Variants in ULK4 observed in about 807,000 individuals in gnomAD.
ULK4 encodes the protein inactive serine/threonine-protein kinase ULK4.
A neutral mutation model predicts 160.6 loss-of-function variants in ULK4; 133 were observed. The observed-to-expected ratio is 0.83, with a 90% confidence interval of 0.72 to 0.96. The LOEUF (loss-of-function observed/expected upper bound fraction) is 0.96. Among genes scored for constraint, ULK4 ranks in the 40% least tolerant of loss-of-function variants. ULK4 has a pLI of 0.00. For missense variants in ULK4, 1,580 were observed against 1,499.5 expected (o/e 1.05, Z -0.89); for synonymous variants, 534 against 539.8 (o/e 0.99, Z 0.15).
chr3:41,959,530 T>A lies in ULK4; in HGVS notation c.-49+2486A>T, dbSNP rs576014893. 4.0e-5 allele frequency among the ~76,000 whole-genome samples: 6 copies of A among 148,414 alleles called. No individual in the cohort carries two copies. The South Asian group carries it at 6.4e-4, about 16-fold the overall frequency. Reference sequence around the variant, plus strand: ...ACAAGAGACTCCATATCAAAAAAAATAATAATAATTAATTAATTAAAAACA... The same window carrying A: ...ACAAGAGACTCCATATCAAAAAAAAAAATAATAATTAATTAATTAAAAACA... On this transcript the variant is annotated intron_variant, in intron 1 of 36. Transcript: ENST00000301831.
intron 17 of ULK4, among the ~76,000 whole-genome samples, chr3:41,849,059 A>C (rs983697533): frequency 3.3e-5 from 5 of 152,198 alleles, no homozygotes; most frequent in African/African-American, 1.2e-4. Context: ...TAGAAACGCC[A>C]CAGAAAATGA....
At chr3:41,296,144 G>A (rs566683800) in intron 35 of ULK4, among the ~76,000 whole-genome samples, 3 of 152,324 alleles carry the variant, frequency 2.0e-5, no homozygotes, top group Admixed American at 2.0e-4. Flanking sequence ...CAGGTTCATC[G>A]ACTGTGACAA....
chr3:41,384,050 C>T lies in ULK4; in HGVS notation c.3678+14029G>A, dbSNP rs7643039. Among the ~76,000 whole-genome samples, 1,017 of 152,260 alleles carry T rather than the reference C, an allele frequency of 6.7e-3. 4 individuals carry two copies. Among genetic ancestry groups the T allele is most frequent in the East Asian group, 0.015 (79 of 5,184 alleles). ...ACAGAGTTCCATGTATCTCTCCAAG[C>T]ATGCCTTAGTGATTGCAAGGGTAAC... On this transcript the variant is annotated intron_variant, in intron 35 of 36. Transcript: ENST00000301831.
At position 41,859,566 on chromosome 3, in the gene ULK4, G is replaced by A. The variant is rs551713284; in HGVS notation, c.1657-23595C>T. Reference sequence around the variant, plus strand: ...AGCCCCAGAACATGCTCATCACAGCGAAAGGCACCATGAGGCCATAATATG... The same window carrying A: ...AGCCCCAGAACATGCTCATCACAGCAAAAGGCACCATGAGGCCATAATATG... On this transcript the variant is annotated intron_variant, in intron 17 of 36. Coordinates refer to ENST00000301831, the MANE Select transcript of ULK4 (RefSeq NM_017886.4). 94 of 537,284 alleles carry A rather than the reference G, an allele frequency of 1.7e-4. No homozygotes were observed. In the Middle Eastern group the frequency reaches 2.6e-3, roughly 15 times the overall value. 33.3% of individuals were successfully genotyped at this position (537,284 alleles called of 1,614,324 possible). A position where few individuals can be genotyped will look rare whatever the true frequency, so the allele number is the denominator to read the frequency against.
intron 5 of ULK4, among the ~76,000 whole-genome samples, chr3:41,923,044 G>A (rs1287786756): frequency 1.3e-5 from 2 of 151,082 alleles, no homozygotes; most frequent in African/African-American, 4.9e-5. Context: ...CATGGTGGCA[G>A]GCACCTGTAA....
intron 22 of ULK4, among the ~76,000 whole-genome samples, chr3:41,751,036 A>C (rs2038609946): frequency 1.9e-4 from 2 of 10,356 alleles, no homozygotes; most frequent in Non-Finnish European, 1.9e-4. Flanking sequence ...GAGGGAGGGA[A>C]GGAGGGAGGG....
Position 41,691,586 on chromosome 3 carries a change from T to G in ULK4, c.2782-9782A>C, listed in dbSNP as rs190451109. Among the ~76,000 whole-genome samples, 116 of 152,016 alleles carry G rather than the reference T, an allele frequency of 7.6e-4. 2 individuals carry two copies. The highest frequency in any genetic ancestry group is 2.6e-3 in the African/African-American group (108 of 41,540). ...AATACCTCCCCCAAAGATGGGAAAT[T>G]CTCTCTTCCAAATATCCATTTTAAA... On this transcript the variant is annotated intron_variant, in intron 27 of 36. Coordinates refer to ENST00000301831, the MANE Select transcript of ULK4 (RefSeq NM_017886.4).
chr3:41,503,230 G>T (rs757332793), intron 32 of ULK4, among the ~76,000 whole-genome samples: 1 of 152,198 alleles, frequency 6.6e-6, no homozygotes, highest in Non-Finnish European at 1.5e-5. Flanking sequence ...TCTTCTAGAA[G>T]AAAGTAAGGC....
chr3:41,255,129 T>TACACACACACAC (rs369404667), intron 35 of ULK4, among the ~76,000 whole-genome samples: 3,317 of 144,206 alleles, frequency 0.023, 124 homozygotes, highest in African/African-American at 0.073. Context: ...AAATTATGGC[T>TACACACACACAC]ACACACACAC....
intron 30 of ULK4, among the ~76,000 whole-genome samples, chr3:41,658,521 G>T (rs942662258): frequency 3.3e-5 from 5 of 152,094 alleles, no homozygotes; most frequent in Non-Finnish European, 7.4e-5. Flanking sequence ...GCTTTGTTTT[G>T]TAACACCAAA....
intron 12 of ULK4, among the ~76,000 whole-genome samples, chr3:41,903,509 C>T (rs1299232075): frequency 2.0e-5 from 3 of 151,412 alleles, no homozygotes; most frequent in African/African-American, 4.9e-5. Flanking sequence ...CACTTGAACC[C>T]GGGAGGCAGA....
At chr3:41,732,811 T>C (rs1445072974) in intron 22 of ULK4, among the ~76,000 whole-genome samples, 13 of 152,206 alleles carry the variant, frequency 8.5e-5, no homozygotes, top group Admixed American at 7.9e-4. Flanking sequence ...TGAAATCTTG[T>C]CATTTGCAAT....
intron 35 of ULK4, among the ~76,000 whole-genome samples, chr3:41,321,309 G>A (rs1396674863): frequency 3.3e-5 from 5 of 152,146 alleles, no homozygotes; most frequent in African/African-American, 1.2e-4. Context: ...CAACTTTTCC[G>A]TGTAGAAACC....
chr3:41,871,976 C>T (rs1211350390), intron 17 of ULK4, among the ~76,000 whole-genome samples: 1 of 152,156 alleles, frequency 6.6e-6, no homozygotes, highest in Non-Finnish European at 1.5e-5. Context: ...CTCTGGATAA[C>T]CTTATTTTCC....
At position 41,705,115 on chromosome 3, in the gene ULK4, A is replaced by C. The variant is rs1331125220; in HGVS notation, c.2723T>G (p.Leu908Trp). Reference sequence around the variant, plus strand: ...CTGTATTATTGCTTCAAAAGCTGACAATGTGATCTTGATAAATTCTTCTGA... The same window carrying C: ...CTGTATTATTGCTTCAAAAGCTGACCATGTGATCTTGATAAATTCTTCTGA... Reference protein sequence around the residue: ...TASEEFIKITLSAFEAIIQYP... With the variant: ...TASEEFIKITWSAFEAIIQYP... Residue 908 changes from leucine (L) to tryptophan (W), a missense_variant, in exon 27 of 37, where the codon TTG (leucine) becomes TGG (tryptophan). By Grantham distance (61) the Leu-to-Trp change is moderately conservative (BLOSUM62 -2). Transcript: ENST00000301831. The C allele has an allele frequency of 1.9e-6, 3 of 1,613,986 alleles. No homozygotes were observed. The highest frequency in any genetic ancestry group is 2.5e-6 in the Non-Finnish European group (3 of 1,179,946).
intron 32 of ULK4, among the ~76,000 whole-genome samples, chr3:41,557,021 C>A (rs905221611): frequency 1.3e-5 from 2 of 152,034 alleles, no homozygotes; most frequent in African/African-American, 4.8e-5. Flanking sequence ...AATTAAAGAA[C>A]TATGTATCAT....
chr3:41,550,488 T>C (rs1271554001), intron 32 of ULK4, among the ~76,000 whole-genome samples: 1 of 151,958 alleles, frequency 6.6e-6, no homozygotes, highest in African/African-American at 2.4e-5. Context: ...AGTAGCTACA[T>C]TTATATAAGA....
chr3:41,847,756 T>G (rs2042105770), intron 17 of ULK4, among the ~76,000 whole-genome samples: 3 of 152,194 alleles, frequency 2.0e-5, no homozygotes, highest in African/African-American at 7.2e-5. Context: ...TCTATTTTAT[T>G]TGTATTAAAT....
intron 17 of ULK4, among the ~76,000 whole-genome samples, chr3:41,851,006 A>G (rs902385440): frequency 6.6e-6 from 1 of 152,182 alleles, no homozygotes; most frequent in African/African-American, 2.4e-5. Flanking sequence ...TAGATATACA[A>G]TCATCTCATC....
Sources: allele counts gnomAD v4.1 joint callset (sites outside exome capture counted in the v4.1 genomes callset), GRCh38; gene constraint gnomAD v4.1.1; transcripts MANE v1.5; gene names NCBI Gene and HGNC (gene_info 2026-07-23, HGNC 2026-07-21).